Variants in XPR1 observed in about 807,000 individuals in gnomAD.
XPR1 encodes xenotropic and polytropic retrovirus receptor 1.
In XPR1, 28 loss-of-function variants were observed where a neutral mutation model predicts 87.5. The ratio of observed to expected loss-of-function variants is 0.32; its 90% CI spans 0.24 to 0.44. The LOEUF is 0.44. Ranked by LOEUF, XPR1 falls within the 20% of genes least tolerant of loss-of-function variation. The probability of loss-of-function intolerance (pLI) is 1.00; values close to 1 mark genes in which losing one functional copy is unlikely to be tolerated. For missense variants in XPR1, 559 were observed against 862.3 expected, an observed-to-expected ratio of 0.65 and a Z score of 4.41; for synonymous variants, 300 against 306.1, an observed-to-expected ratio of 0.98 and a Z score of 0.21.
chr1:180,681,755 C>A (rs1656584746), intron 1 of XPR1, among the ~76,000 whole-genome samples: 1 of 152,232 alleles, frequency 6.6e-6, no homozygotes, highest in South Asian at 2.1e-4. Flanking sequence ...GCAACTTCCG[C>A]CTCCTGGGTT....
At chr1:180,706,897 C>T (rs146655500) in intron 2 of XPR1, among the ~76,000 whole-genome samples, 18 of 152,200 alleles carry the variant, frequency 1.2e-4, no homozygotes, top group Non-Finnish European at 1.9e-4. Flanking sequence ...GGATTACAGG[C>T]GTGAACCACC....
intron 13 of XPR1, among the ~76,000 whole-genome samples, chr1:180,876,442 C>T (rs895859059): frequency 1.3e-5 from 2 of 152,056 alleles, no homozygotes; most frequent in African/African-American, 4.8e-5. Context: ...TCAAGACCAG[C>T]CTGGCCAACA....
chr1:180,762,611 G>T (rs569952808), intron 2 of XPR1, among the ~76,000 whole-genome samples: 1 of 152,294 alleles, frequency 6.6e-6, no homozygotes, highest in African/African-American at 2.4e-5. Context: ...TTAAAGATTT[G>T]TGGTGAATGA....
chr1:180,704,692 A>C (rs1177394345), intron 2 of XPR1, among the ~76,000 whole-genome samples: 2 of 151,266 alleles, frequency 1.3e-5, no homozygotes, highest in East Asian at 1.9e-4. Flanking sequence ...ATTCCTTTTG[A>C]TAGACTCTTA....
intron 1 of XPR1, among the ~76,000 whole-genome samples, chr1:180,648,244 C>G (rs1341858017): frequency 6.6e-6 from 1 of 152,122 alleles, no homozygotes; most frequent in Non-Finnish European, 1.5e-5. Flanking sequence ...GTATATCTCT[C>G]ATTTTAGGAT....
intron 12 of XPR1, among the ~76,000 whole-genome samples, chr1:180,873,251 G>A (rs1206766749): frequency 6.6e-6 from 1 of 152,184 alleles, no homozygotes; most frequent in Non-Finnish European, 1.5e-5. Flanking sequence ...TATTACTTGA[G>A]CACCGTCTTC....
At chr1:180,810,974 A>G (rs1169081591) in intron 6 of XPR1, among the ~76,000 whole-genome samples, 3 of 152,098 alleles carry the variant, frequency 2.0e-5, no homozygotes, top group Non-Finnish European at 2.9e-5. Context: ...AATACTTTAA[A>G]TGATCTCTGG....
intron 2 of XPR1, among the ~76,000 whole-genome samples, chr1:180,753,772 A>G (rs1412995061): frequency 1.3e-5 from 2 of 152,226 alleles, no homozygotes; most frequent in Non-Finnish European, 2.9e-5. Context: ...TTCTACTTAT[A>G]GTCCTAGCAC....
intron 7 of XPR1, among the ~76,000 whole-genome samples, chr1:180,820,540 G>T (rs867302058): frequency 6.6e-6 from 1 of 152,100 alleles, no homozygotes; most frequent in South Asian, 2.1e-4. Context: ...GGACATTTGG[G>T]TTATTTCTAT....
intron 11 of XPR1, among the ~76,000 whole-genome samples, chr1:180,849,617 T>G (rs1651800237): frequency 6.6e-6 from 1 of 152,158 alleles, no homozygotes; most frequent in Non-Finnish European, 1.5e-5. Context: ...CAAATAAAAG[T>G]AGATTTGAAT....
intron 1 of XPR1, among the ~76,000 whole-genome samples, chr1:180,652,146 G>A (rs1400755732): frequency 6.6e-6 from 1 of 152,126 alleles, no homozygotes; most frequent in Non-Finnish European, 1.5e-5. Flanking sequence ...ACAAAAATTA[G>A]CCAGGTGTGG....
chr1:180,758,529 G>A (rs1377486474), intron 2 of XPR1, among the ~76,000 whole-genome samples: 1 of 152,092 alleles, frequency 6.6e-6, no homozygotes, highest in African/African-American at 2.4e-5. Flanking sequence ...TCAACATGGT[G>A]AAACCCCATC....
At chr1:180,798,590 C>A (rs1571848490) in intron 3 of XPR1, among the ~76,000 whole-genome samples, 1 of 151,980 alleles carries the variant, frequency 6.6e-6, no homozygotes, top group East Asian at 1.9e-4. Context: ...CTCAGTAGTT[C>A]TTTTATTAAT....
chr1:180,685,724 A>G (rs1429718226), intron 2 of XPR1, among the ~76,000 whole-genome samples: 2 of 152,092 alleles, frequency 1.3e-5, no homozygotes, highest in Admixed American at 6.5e-5. Flanking sequence ...GGGAGGATGT[A>G]TGTGTCGAGG....
intron 11 of XPR1, among the ~76,000 whole-genome samples, chr1:180,859,469 A>G (rs556100739): frequency 2.0e-5 from 3 of 152,308 alleles, no homozygotes; most frequent in African/African-American, 7.2e-5. Context: ...GGGTTAGCCA[A>G]GAGAGAATAA....
intron 1 of XPR1, among the ~76,000 whole-genome samples, chr1:180,669,346 T>C (rs1490297928): frequency 6.6e-6 from 1 of 152,172 alleles, no homozygotes; most frequent in African/African-American, 2.4e-5. Flanking sequence ...TCTGATGGTC[T>C]GTCTTTAGTG....
intron 2 of XPR1, among the ~76,000 whole-genome samples, chr1:180,780,921 T>C (rs1188880341): frequency 2.0e-5 from 3 of 152,062 alleles, no homozygotes; most frequent in Non-Finnish European, 2.9e-5. Flanking sequence ...AGCAGAAAAG[T>C]TTTTAATTTT....
chr1:180,709,396 A>G (rs12065537), intron 2 of XPR1, among the ~76,000 whole-genome samples: 6,541 of 152,264 alleles, frequency 0.043, 502 homozygotes, highest in African/African-American at 0.15. Context: ...AAGATAGTGA[A>G]CATATCCATC....
chr1:180,684,929 A>C (rs1225896917), intron 2 of XPR1, among the ~76,000 whole-genome samples: 5 of 152,314 alleles, frequency 3.3e-5, no homozygotes, highest in Non-Finnish European at 1.5e-5. Context: ...TGTCATCTGC[A>C]AACAGGGACA....
Sources: gnomAD v4.1 joint callset for allele counts (sites outside exome capture counted in the v4.1 genomes callset) on GRCh38, gnomAD v4.1.1 for gene constraint, MANE v1.5 for transcripts, NCBI Gene and HGNC (gene_info 2026-07-23, HGNC 2026-07-21) for gene names.